FGF14: variants seen among roughly 807,000 people sequenced by gnomAD.
The protein encoded by FGF14 is fibroblast growth factor homologous factor 4.
A neutral mutation model predicts 25.5 loss-of-function variants in FGF14; 5 were observed. The ratio of observed to expected loss-of-function variants is 0.20; its 90% CI spans 0.10 to 0.41. The LOEUF is 0.41. Ranked by LOEUF, FGF14 falls within the 10% of genes least tolerant of loss-of-function variation. The pLI, the probability that FGF14 is intolerant of heterozygous loss-of-function variation, is 1.00. For missense variants in FGF14, 222 were observed against 320.1 expected, an observed-to-expected ratio of 0.69 and a Z score of 2.34; for synonymous variants, 138 against 118.3, an observed-to-expected ratio of 1.17 and a Z score of -1.08.
chr13:102,305,067 TC>T (rs1317759366), intron 1 of FGF14, among the ~76,000 whole-genome samples: 2 of 152,272 alleles, frequency 1.3e-5, no homozygotes, highest in East Asian at 3.9e-4. Flanking sequence ...ACCTGAAAAG[TC>T]ATGAGTCCTA....
At chr13:101,819,894 C>T (rs922059081) in intron 3 of FGF14, among the ~76,000 whole-genome samples, 10 of 152,046 alleles carry the variant, frequency 6.6e-5, no homozygotes, top group South Asian at 2.1e-4. Context: ...ATGGATGCGA[C>T]GGAAAGATAT....
At chr13:102,050,777 G>GA (rs1185863099) in intron 1 of FGF14, among the ~76,000 whole-genome samples, 3 of 151,726 alleles carry the variant, frequency 2.0e-5, no homozygotes, top group Admixed American at 6.6e-5. Flanking sequence ...ACAGTAGAGA[G>GA]AAAAAAAACA....
At chr13:102,321,706 A>C (rs1319164904) in intron 1 of FGF14, among the ~76,000 whole-genome samples, 1 of 152,168 alleles carries the variant, frequency 6.6e-6, no homozygotes, top group Non-Finnish European at 1.5e-5. Flanking sequence ...AGGGCATACC[A>C]AATACAACAA....
At chr13:101,960,845 T>C (rs1015793212) in intron 1 of FGF14, among the ~76,000 whole-genome samples, 9 of 152,208 alleles carry the variant, frequency 5.9e-5, no homozygotes, top group Non-Finnish European at 1.2e-4. Context: ...CTCAGCATTG[T>C]CAGCATCTGC....
intron 1 of FGF14, among the ~76,000 whole-genome samples, chr13:102,095,977 T>TTGTGTG (rs35113785): frequency 7.7e-5 from 11 of 142,734 alleles, no homozygotes; most frequent in South Asian, 2.3e-4. Context: ...TAAATACAAT[T>TTGTGTG]TGTGTGTGTG....
intron 1 of FGF14, among the ~76,000 whole-genome samples, chr13:102,259,616 A>C (rs138528834): frequency 0.012 from 1,784 of 151,262 alleles, 32 homozygotes; most frequent in African/African-American, 0.041. Context: ...CCCCCCATCC[A>C]CTCTTTGCTC....
At chr13:102,273,526 A>G (rs1267450657) in intron 1 of FGF14, among the ~76,000 whole-genome samples, 2 of 152,224 alleles carry the variant, frequency 1.3e-5, no homozygotes, top group East Asian at 1.9e-4. Flanking sequence ...TTTGTGATCT[A>G]AAGAAGAATG....
intron 3 of FGF14, among the ~76,000 whole-genome samples, chr13:101,808,153 A>G (rs1002034375): frequency 6.6e-6 from 1 of 152,094 alleles, no homozygotes; most frequent in Non-Finnish European, 1.5e-5. Flanking sequence ...TTTCCAAAAA[A>G]GTAGCAAATA....
chr13:102,376,983 C>A (rs1414904705), intron 1 of FGF14, among the ~76,000 whole-genome samples: 2 of 152,146 alleles, frequency 1.3e-5, no homozygotes, highest in Non-Finnish European at 2.9e-5. Flanking sequence ...TTGGGCCCAA[C>A]TTCTCTACCA....
intron 1 of FGF14, among the ~76,000 whole-genome samples, chr13:102,348,511 A>G (rs2138957254): frequency 6.6e-6 from 1 of 152,342 alleles, no homozygotes; most frequent in East Asian, 1.9e-4. Context: ...GATGAAACAG[A>G]AGCAGCCAAC....
At chr13:101,982,088 A>G (rs1478488706) in intron 1 of FGF14, among the ~76,000 whole-genome samples, 1 of 152,182 alleles carries the variant, frequency 6.6e-6, no homozygotes, top group Non-Finnish European at 1.5e-5. Context: ...GTCACCATAA[A>G]ATTTGACAAT....
At chr13:102,134,061 TTATATG>T (rs1329362639) in intron 1 of FGF14, among the ~76,000 whole-genome samples, 1 of 152,208 alleles carries the variant, frequency 6.6e-6, no homozygotes, top group African/African-American at 2.4e-5. Context: ...AACACATATG[TTATATG>T]TATGTCTTGA....
chr13:101,883,532 T>C (rs1412357928), intron 1 of FGF14, among the ~76,000 whole-genome samples: 14 of 152,218 alleles, frequency 9.2e-5, no homozygotes, highest in Non-Finnish European at 1.5e-5. Context: ...TTGCTGTCAA[T>C]TGTCCACATC....
chr13:102,028,131 C>T (rs187302931), intron 1 of FGF14, among the ~76,000 whole-genome samples: 5 of 152,160 alleles, frequency 3.3e-5, no homozygotes, highest in African/African-American at 2.4e-5. Flanking sequence ...GAAAGGAAAG[C>T]GTGTCTTTCA....
chr13:101,863,370 G>A (rs947481672), intron 3 of FGF14, among the ~76,000 whole-genome samples: 1 of 152,142 alleles, frequency 6.6e-6, no homozygotes, highest in Admixed American at 6.5e-5. Flanking sequence ...TGGTCTGCCT[G>A]CAATGGATGT....
chr13:102,291,952 G>A (rs2054426253), intron 1 of FGF14, among the ~76,000 whole-genome samples: 1 of 151,992 alleles, frequency 6.6e-6, no homozygotes. Context: ...GCATTTAAAG[G>A]GTAAGAGAAA....
At chr13:101,848,003 C>T (rs905058339) in intron 3 of FGF14, among the ~76,000 whole-genome samples, 4 of 152,028 alleles carry the variant, frequency 2.6e-5, no homozygotes, top group Non-Finnish European at 2.9e-5. Flanking sequence ...TATTTGTCAA[C>T]GCAAGCAGGG....
chr13:102,276,923 C>T (rs140429214), intron 1 of FGF14, among the ~76,000 whole-genome samples: 142 of 152,220 alleles, frequency 9.3e-4, no homozygotes, highest in Admixed American at 4.8e-3. Flanking sequence ...CTGATGGTCA[C>T]CTATCTAAAA....
At chr13:102,358,347 T>C (rs2057473381) in intron 1 of FGF14, among the ~76,000 whole-genome samples, 1 of 152,214 alleles carries the variant, frequency 6.6e-6, no homozygotes, top group Admixed American at 6.5e-5. Context: ...ATTGACACCA[T>C]AACAGTTATA....
Sources: gnomAD v4.1 joint callset for allele counts (sites outside exome capture counted in the v4.1 genomes callset) on GRCh38, gnomAD v4.1.1 for gene constraint, MANE v1.5 for transcripts, NCBI Gene and HGNC (gene_info 2026-07-23, HGNC 2026-07-21) for gene names.